Variants in TRMT10A observed in about 807,000 individuals in gnomAD.
TRMT10A encodes the protein tRNA methyltransferase 10 homolog A.
TRMT10A carries 37 observed loss-of-function variants against 40.4 expected under a neutral mutation model. The observed-to-expected ratio is 0.92, with a 90% CI of 0.71 to 1.21. The LOEUF is 1.21. Among genes scored for constraint, TRMT10A ranks in the 50% most tolerant of loss-of-function variants. The pLI, the probability that TRMT10A is intolerant of heterozygous loss-of-function variation, is 0.00. For missense variants in TRMT10A, 388 were observed against 404.3 expected (o/e 0.96, Z 0.35); for synonymous variants, 103 against 134.1 (o/e 0.77, Z 1.60).
chr4:99,559,261 C>T lies in TRMT10A; in HGVS notation c.78G>A (p.Glu26=). 1 of 1,613,562 alleles carries T rather than the reference C, an allele frequency of 6.2e-7. No homozygotes were observed. The highest frequency in any genetic ancestry group is 1.1e-5 in the South Asian group (1 of 91,046). ...DKKQGINEDQ[E]ESQKPRLGEG... ...CACCTAATCTTGGCTTCTGGCTCTC[C>T]TCTTGATCTTCATTTATGCCTTGCT... Residue 26 remains glutamate (E), a synonymous_variant, in exon 2 of 8, where the codon GAG becomes GAA. Coordinates refer to ENST00000394876, the MANE Select transcript of TRMT10A (RefSeq NM_001134665.3).
intron 1 of TRMT10A, among the ~76,000 whole-genome samples, chr4:99,560,225 A>G (rs1724335149): frequency 1.3e-5 from 2 of 152,188 alleles, no homozygotes; most frequent in South Asian, 4.1e-4. Context: ...AATATTTCAG[A>G]GAGGTCATAA....
At chr4:99,553,597 C>T (rs1724045115) in intron 6 of TRMT10A, among the ~76,000 whole-genome samples, 188 bp downstream of exon 6, 1 of 152,160 alleles carries the variant, frequency 6.6e-6, no homozygotes, top group African/African-American at 2.4e-5. Flanking sequence ...TAGCACTAAT[C>T]TCACTGGGTT....
chr4:99,551,678 T>A (rs1040582587), intron 6 of TRMT10A, among the ~76,000 whole-genome samples: 5 of 151,634 alleles, frequency 3.3e-5, no homozygotes, highest in East Asian at 3.9e-4. Flanking sequence ...AAAAAAAAAA[T>A]AATAATTACA....
intron 6 of TRMT10A, among the ~76,000 whole-genome samples, chr4:99,552,708 T>A (rs1162568559): frequency 6.6e-6 from 1 of 152,120 alleles, no homozygotes; most frequent in East Asian, 1.9e-4. Flanking sequence ...ATTGAGAAAT[T>A]TTAAATAACT....
Position 99,559,196 on chromosome 4 carries a change from A to C in TRMT10A, c.143T>G (p.Leu48Arg). ...EPISKRQMKKLIKQKQWEEQR... is the reference protein window; with the variant it reads ...EPISKRQMKKRIKQKQWEEQR... ...CTCTTCCCATTGTTTCTGTTTTATT[A>C]GTTTTTTCATTTGTCGTTTAGATAT... Residue 48 changes from leucine (L) to arginine (R), a missense_variant, in exon 2 of 8, where the codon CTA becomes CGA. Transcript: ENST00000394876. The C allele has an allele frequency of 1.9e-6, 3 of 1,613,136 alleles. No individual in the cohort carries two copies. The highest frequency in any genetic ancestry group is 2.5e-6 in the Non-Finnish European group (3 of 1,179,446).
chr4:99,560,646 G>C (rs1724351688), intron 1 of TRMT10A, among the ~76,000 whole-genome samples: 1 of 152,008 alleles, frequency 6.6e-6, no homozygotes, highest in African/African-American at 2.4e-5. Context: ...TGGGGAAACT[G>C]AATAAGCCTA....
At chr4:99,558,770 T>C (rs964825311) in intron 2 of TRMT10A, among the ~76,000 whole-genome samples, 2 of 152,112 alleles carry the variant, frequency 1.3e-5, no homozygotes, top group Admixed American at 1.3e-4. Flanking sequence ...ACTTGATCTT[T>C]CTGAGTTGGC....
At position 99,553,671 on chromosome 4, in the gene TRMT10A, T is replaced by C. The variant is rs56076045; in HGVS notation, c.645+114A>G. 1,138 of 1,027,478 alleles carry C rather than the reference T, an allele frequency of 1.1e-3. 1 individual carries two copies. Among genetic ancestry groups the C allele is most frequent in the Non-Finnish European group, 1.4e-3 (989 of 725,504 alleles). The allele number at this position is 1,027,478 out of a possible 1,614,324, so 63.6% of individuals were successfully genotyped here. A position where few individuals can be genotyped will look rare whatever the true frequency, so the allele number is the denominator to read the frequency against. ...TGCTTAGCTCAGAAGGTGACTGACA[T>C]ATAGTAGGCACTCAATAAAGATGAG... is the stretch of plus-strand genomic sequence containing the variant. On this transcript the variant is annotated intron_variant, in intron 6 of 7. Transcript: ENST00000394876.
chr4:99,562,162 C>T (rs1201482333), intron 1 of TRMT10A, among the ~76,000 whole-genome samples: 1 of 144,414 alleles, frequency 6.9e-6, no homozygotes, highest in Non-Finnish European at 1.5e-5. Flanking sequence ...CAGAGTAAGA[C>T]TCCGTCTCCA....
At chr4:99,558,727 C>A (rs1355818312) in intron 2 of TRMT10A, among the ~76,000 whole-genome samples, 1 of 152,108 alleles carries the variant, frequency 6.6e-6, no homozygotes, top group Non-Finnish European at 1.5e-5. Flanking sequence ...AAACCTGCAA[C>A]AGTTCTTGTG....
chr4:99,563,808 C>G (rs1241523801), intron 1 of TRMT10A, 105 bp downstream of exon 1: 1 of 612,334 alleles, frequency 1.6e-6, no homozygotes, highest in African/African-American at 1.8e-5. Flanking sequence ...CTCCCCTCTC[C>G]CCCGGAAGCC....
rs1469626784 is a variant in TRMT10A at position 99,548,238 on chromosome 4, C to T, written c.*850G>A. 6.6e-6 allele frequency: 1 copy of T among 151,512 alleles called. No individual in the cohort carries two copies. 9.4% of individuals were successfully genotyped at this position (151,512 alleles called of 1,614,324 possible). A position where few individuals can be genotyped will look rare whatever the true frequency, so the allele number is the denominator to read the frequency against. ...ATGCATATTCTTAGAGAAGAGGAGG[C>T]AGATGCACCTATAAACTTTATTCAT... On this transcript the variant is annotated 3_prime_UTR_variant, in exon 8 of 8. Transcript: ENST00000394876.
chr4:99,562,702 T>G lies in TRMT10A; in HGVS notation c.-24+1211A>C, dbSNP rs941541603. 2.6e-5 allele frequency among the ~76,000 whole-genome samples: 4 copies of G among 151,936 alleles called. No homozygotes were observed. In the East Asian group the frequency reaches 7.7e-4, roughly 29 times the overall value. On this transcript the variant is annotated intron_variant, in intron 1 of 7. Coordinates refer to ENST00000394876, the MANE Select transcript of TRMT10A (RefSeq NM_001134665.3). ...TACCACGCCCAGCTAATTTTTGTTA[T>G]TTTTAGTAGAGACGGGGTTTCACCA... is the stretch of plus-strand genomic sequence containing the variant.
intron 3 of TRMT10A, 190 bp downstream of exon 3, chr4:99,557,859 C>T (rs987517343): frequency 1.1e-5 from 6 of 558,326 alleles, no homozygotes; most frequent in East Asian, 9.5e-5. Context: ...CACACACATA[C>T]ACACATATAT....
At chr4:99,561,619 C>G (rs1433439531) in intron 1 of TRMT10A, among the ~76,000 whole-genome samples, 1 of 152,090 alleles carries the variant, frequency 6.6e-6, no homozygotes, top group Non-Finnish European at 1.5e-5. Flanking sequence ...AGATATCTAC[C>G]AACTCGCACT....
At position 99,556,005 on chromosome 4, in the gene TRMT10A, G is replaced by A. The variant is rs1270613140; in HGVS notation, c.495+141C>T. 1.2e-5 allele frequency: 8 copies of A among 672,716 alleles called. No homozygotes were observed. In the East Asian group the frequency reaches 2.5e-4, roughly 21 times the overall value. 41.7% of individuals were successfully genotyped at this position (672,716 alleles called of 1,614,324 possible). ...CTCCCTTCTTCAGCATCTCTGATTT[G>A]TAATCTTAGACTTAGGTTCAGAGAT... On this transcript the variant is annotated intron_variant, in intron 5 of 7. Coordinates refer to ENST00000394876, the MANE Select transcript of TRMT10A (RefSeq NM_001134665.3).
rs1218665092 is a variant in TRMT10A at position 99,550,882 on chromosome 4, T to C, written c.751+3A>G. The C allele has an allele frequency of 6.2e-7, 1 of 1,605,702 alleles. No homozygotes were observed. Among genetic ancestry groups the C allele is most frequent in the Non-Finnish European group, 8.5e-7 (1 of 1,173,096 alleles). On this transcript the variant is annotated splice_donor_region_variant and intron_variant, in intron 7 of 7. Coordinates refer to ENST00000394876, the MANE Select transcript of TRMT10A (RefSeq NM_001134665.3). ...TATTTTCAGTTTATCCCTTACAGCT[T>C]ACCATGATTAACTGCCAAAACTTTT...
chr4:99,552,888 TG>T lies in TRMT10A; in HGVS notation c.645+896del, dbSNP rs367702691. 4.4e-3 allele frequency among the ~76,000 whole-genome samples: 657 copies of T among 148,608 alleles called. 3 individuals carry two copies. The highest frequency in any genetic ancestry group is 0.014 in the African/African-American group (588 of 40,624). On this transcript the variant is annotated intron_variant, in intron 6 of 7. Coordinates refer to ENST00000394876, the MANE Select transcript of TRMT10A (RefSeq NM_001134665.3). ...GTCAACTGATGGTTTGCATACTTGG[TG>T]GGGGGGGGAGGCAGCAAATAATAAT...
At chr4:99,561,249 A>G (rs901747169) in intron 1 of TRMT10A, among the ~76,000 whole-genome samples, 7 of 152,162 alleles carry the variant, frequency 4.6e-5, no homozygotes, top group Non-Finnish European at 1.0e-4. Context: ...ACAGGCGTGA[A>G]TCACCAGGCC....
Sources: gnomAD v4.1 joint callset for allele counts (sites outside exome capture counted in the v4.1 genomes callset) on GRCh38, gnomAD v4.1.1 for gene constraint, MANE v1.5 for transcripts, NCBI Gene and HGNC (gene_info 2026-07-23, HGNC 2026-07-21) for gene names.